The following EIF2A variants were observed in gnomAD, a reference collection of about 807,000 sequenced individuals.
The protein encoded by EIF2A is 65 kDa eukaryotic translation initiation factor 2A.
A neutral mutation model predicts 75.2 loss-of-function variants in EIF2A; 62 were observed. That is an observed-to-expected ratio of 0.82 (90% CI 0.67 to 1.02). The LOEUF (loss-of-function observed/expected upper bound fraction) is 1.02. Ranked by LOEUF, EIF2A falls within the 50% of genes least tolerant of loss-of-function variation. The pLI, the probability that EIF2A is intolerant of heterozygous loss-of-function variation, is 0.00. For missense variants in EIF2A, 611 were observed against 677.7 expected (o/e 0.90, Z 1.09); for synonymous variants, 207 against 239.0 (o/e 0.87, Z 1.23).
Position 150,564,288 on chromosome 3 carries a change from C to A in EIF2A, c.393-11C>A. On this transcript the variant is annotated splice_polypyrimidine_tract_variant and intron_variant, in intron 5 of 13. Transcript: ENST00000460851. ...TATTTTTTATACTTTTTTTTTTTTT[C>A]ATTGACATAGGTGTCCATCCTGGTC... The A allele has an allele frequency of 2.2e-6, 3 of 1,394,052 alleles. No homozygotes were observed. The highest frequency in any genetic ancestry group is 1.7e-5 in the South Asian group (1 of 59,484). 86.4% of individuals were successfully genotyped at this position (1,394,052 alleles called of 1,614,324 possible).
At chr3:150,556,787 C>T (rs1458536187) in intron 2 of EIF2A, among the ~76,000 whole-genome samples, 4 of 152,080 alleles carry the variant, frequency 2.6e-5, no homozygotes, top group Admixed American at 2.0e-4. Context: ...AGAAAATAAT[C>T]GAATTCTGGA....
At position 150,547,216 on chromosome 3, in the gene EIF2A, A is replaced by G. The variant is rs1015262535; in HGVS notation, c.28+386A>G. The G allele has an allele frequency of 2.2e-5, 5 of 232,038 alleles. 1 individual carries two copies. The highest frequency in any genetic ancestry group is 8.9e-6 in the Non-Finnish European group (1 of 111,968). The allele number at this position is 232,038 out of a possible 1,614,324, so 14.4% of individuals were successfully genotyped here. ...AAAGACAAACATGAGTTAGTCCTCT[A>G]GAATGATCACGCACTTTAAATACAC... On this transcript the variant is annotated intron_variant, in intron 1 of 13. Coordinates refer to ENST00000460851, the MANE Select transcript of EIF2A (RefSeq NM_032025.5).
Position 150,575,667 on chromosome 3 carries a change from C to T in EIF2A, c.1402C>T (p.Gln468Ter). 1 of 1,611,020 alleles carries T rather than the reference C, an allele frequency of 6.2e-7. No homozygotes were observed. Among genetic ancestry groups the T allele is most frequent in the Middle Eastern group, 1.7e-4 (1 of 6,052 alleles). ...TCCATAGCATGAAGAGGAACCACCT[C>T]AGAATATGAAACCACAATCAGGAAA... ...NSKLHEEEPP[Q>*]NMKPQSGNDK... The change falls in exon 11 of 14, where the codon CAG (glutamine) becomes TAG (stop). Residue 468 changes from glutamine to a stop codon, truncating the protein, a stop_gained. Transcript: ENST00000460851. LOFTEE classifies it high-confidence loss of function.
intron 5 of EIF2A, among the ~76,000 whole-genome samples, chr3:150,564,041 ACTC>A (rs982269574): frequency 2.1e-4 from 32 of 151,656 alleles, no homozygotes; most frequent in Non-Finnish European, 4.3e-4. Flanking sequence ...CTGGTCTTGA[ACTC>A]CTGACCTCAG....
rs970390835 is a variant in EIF2A, at chr3:150,564,358, AC to A, written c.453del (p.Phe152SerfsTer62). On this transcript the variant is annotated frameshift_variant, in exon 6 of 14. Transcript: ENST00000460851. LOFTEE classifies it high-confidence loss of function. ...GCCCGCAATGTTAACAATGAAGTTC[AC>A]TTCTTTGAAAACAACAATTTTAGTA... is the stretch of plus-strand genomic sequence containing the variant. ...LCARNVNNEV[H>X]FFENNNFNTI... is the part of the protein sequence containing the mutation. 1 of 1,602,098 alleles carries A rather than the reference AC, an allele frequency of 6.2e-7. No homozygotes were observed. Among genetic ancestry groups the A allele is most frequent in the Non-Finnish European group, 8.5e-7 (1 of 1,175,126 alleles).
intron 3 of EIF2A, among the ~76,000 whole-genome samples, chr3:150,560,918 G>C (rs1559877239): frequency 2.0e-5 from 3 of 151,850 alleles, no homozygotes. Context: ...TTGTTGTAAG[G>C]ATTAAATGAG....
chr3:150,574,571 C>T (rs1289948308), intron 10 of EIF2A, among the ~76,000 whole-genome samples: 1 of 152,196 alleles, frequency 6.6e-6, no homozygotes, highest in Non-Finnish European at 1.5e-5. Context: ...AAGAGCCTTG[C>T]ACTCCAAATT....
In EIF2A at chr3:150,572,626, G is replaced by A. The variant is rs143937459; in HGVS notation, c.1383+97G>A. On this transcript the variant is annotated intron_variant, in intron 10 of 13. Transcript: ENST00000460851. ...TCCCAGCACTTCGGGAGGCCGAGGC[G>A]GGAGGATCACTTGAGGTCAGGAGTT... is the stretch of plus-strand genomic sequence containing the variant. 2,204 of 1,210,890 alleles carry A rather than the reference G, an allele frequency of 1.8e-3. 18 individuals are homozygous for A. The East Asian group carries it at 0.026, about 14-fold the overall frequency. 75.0% of individuals were successfully genotyped at this position (1,210,890 alleles called of 1,614,324 possible).
At position 150,573,946 on chromosome 3, in the gene EIF2A, C is replaced by T. The variant is rs183476170; in HGVS notation, c.1383+1417C>T. ...GTTCGTTGGTCCGGTGTGGGGGTTT[C>T]GATCTGTAATCTCAGCACTTTGGGA... On this transcript the variant is annotated intron_variant, in intron 10 of 13. Transcript: ENST00000460851. 6.6e-5 allele frequency among the ~76,000 whole-genome samples: 10 copies of T among 152,124 alleles called. No individual in the cohort carries two copies. In the East Asian group the frequency reaches 1.7e-3, roughly 26 times the overall value.
intron 2 of EIF2A, among the ~76,000 whole-genome samples, chr3:150,553,578 T>G (rs1047237343): frequency 2.6e-5 from 4 of 151,804 alleles, no homozygotes; most frequent in Non-Finnish European, 5.9e-5. Context: ...CTGGCTAATT[T>G]TTTTGTATTT....
intron 3 of EIF2A, among the ~76,000 whole-genome samples, chr3:150,561,308 T>C (rs1433680182): frequency 6.6e-6 from 1 of 152,084 alleles, no homozygotes; most frequent in Non-Finnish European, 1.5e-5. Context: ...CCGGACACGG[T>C]GGCTCATACC....
At chr3:150,552,246 A>T in intron 1 of EIF2A, 110 bp from the exon 2 acceptor site, 1 of 838,314 alleles carries the variant, frequency 1.2e-6, no homozygotes, top group Non-Finnish European at 1.9e-6. Context: ...TGAAATATTT[A>T]ATGATTTCAT....
chr3:150,556,951 A>G (rs1049110019), intron 2 of EIF2A, among the ~76,000 whole-genome samples: 1 of 152,218 alleles, frequency 6.6e-6, no homozygotes, highest in Non-Finnish European at 1.5e-5. Flanking sequence ...AGAATAATAG[A>G]ACTGTAAACA....
At chr3:150,582,321 AT>A (rs35048163) in intron 12 of EIF2A, among the ~76,000 whole-genome samples, 8 of 143,724 alleles carry the variant, frequency 5.6e-5, no homozygotes, top group African/African-American at 1.1e-4. Context: ...ATTTAATTTA[AT>A]TTTTTTTTTT....
At chr3:150,562,238 C>T (rs1025043882) in intron 3 of EIF2A, among the ~76,000 whole-genome samples, 7 of 151,822 alleles carry the variant, frequency 4.6e-5, no homozygotes, top group African/African-American at 7.3e-5. Context: ...CTGGCTAACA[C>T]GGTGAAACCC....
At chr3:150,559,680 G>A (rs893395280) in intron 3 of EIF2A, among the ~76,000 whole-genome samples, 3 of 151,746 alleles carry the variant, frequency 2.0e-5, no homozygotes, top group Non-Finnish European at 4.4e-5. Context: ...TAGTAGAGAT[G>A]GTGTTTCACC....
chr3:150,555,717 C>T (rs545325858), intron 2 of EIF2A, among the ~76,000 whole-genome samples: 2 of 151,482 alleles, frequency 1.3e-5, no homozygotes, highest in Admixed American at 6.6e-5. Context: ...GGCAAAACCC[C>T]ATATCTATTT....
chr3:150,569,987 T>C (rs1024335364), intron 9 of EIF2A, among the ~76,000 whole-genome samples: 2 of 152,170 alleles, frequency 1.3e-5, no homozygotes, highest in Non-Finnish European at 2.9e-5. Context: ...GAGAAAATAT[T>C]GATCATTTAA....
At chr3:150,583,309 C>T (rs750093624) in intron 13 of EIF2A, 44 bp downstream of exon 13, 40 of 1,569,256 alleles carry the variant, frequency 2.5e-5, no homozygotes, top group South Asian at 1.0e-4. Flanking sequence ...GACCACCAGC[C>T]TTCCCCCTTT....
Sources: gnomAD v4.1 joint callset for allele counts (sites outside exome capture counted in the v4.1 genomes callset) on GRCh38, gnomAD v4.1.1 for gene constraint, MANE v1.5 for transcripts, NCBI Gene and HGNC (gene_info 2026-07-23, HGNC 2026-07-21) for gene names.